Variants in ASTN2 observed in about 807,000 individuals in gnomAD.
ASTN2 encodes the protein astrotactin-2.
Under a neutral mutation model 139.8 loss-of-function variants are expected in ASTN2, and 54 were observed. The observed-to-expected ratio is 0.39, with a 90% CI of 0.31 to 0.48. The LOEUF (loss-of-function observed/expected upper bound fraction) is 0.48. Among genes scored for constraint, ASTN2 ranks in the 20% least tolerant of loss-of-function variants. ASTN2 has a pLI of 0.95. For synonymous variants in ASTN2, 756 were observed against 719.5 expected (o/e 1.05, Z -0.81); for missense variants, 1,565 against 1,725.1 (o/e 0.91, Z 1.64).
intron 7 of ASTN2, among the ~76,000 whole-genome samples, chr9:117,004,431 A>G (rs1321742512): frequency 6.6e-6 from 1 of 152,130 alleles, no homozygotes; most frequent in Non-Finnish European, 1.5e-5. Context: ...GTTGGCCTAT[A>G]TAGAGGCTAC....
chr9:116,713,622 T>C (rs893720772), intron 16 of ASTN2, among the ~76,000 whole-genome samples: 6 of 152,138 alleles, frequency 3.9e-5, no homozygotes, highest in African/African-American at 1.2e-4. Context: ...ACTTTGGGAG[T>C]GCCCACTTTG....
intron 13 of ASTN2, among the ~76,000 whole-genome samples, chr9:116,782,521 C>G (rs1354036061): frequency 6.6e-6 from 1 of 152,180 alleles, no homozygotes; most frequent in Non-Finnish European, 1.5e-5. Flanking sequence ...ATCCTTTCAC[C>G]TCCCTGGGGA....
intron 19 of ASTN2, among the ~76,000 whole-genome samples, chr9:116,554,068 G>A (rs953925274): frequency 6.6e-5 from 10 of 152,092 alleles, no homozygotes; most frequent in African/African-American, 2.4e-4. Context: ...TTATAATTTA[G>A]CACAGATTAC....
At chr9:116,828,623 A>T (rs887665142) in intron 11 of ASTN2, among the ~76,000 whole-genome samples, 2 of 152,304 alleles carry the variant, frequency 1.3e-5, no homozygotes, top group African/African-American at 2.4e-5. Flanking sequence ...GGGAAAAAAA[A>T]GCATTTCCTC....
At chr9:116,952,322 C>T (rs891583646) in intron 10 of ASTN2, among the ~76,000 whole-genome samples, 5 of 152,160 alleles carry the variant, frequency 3.3e-5, no homozygotes, top group Non-Finnish European at 7.3e-5. Flanking sequence ...GAATCCTTCT[C>T]GGCCTTATGC....
chr9:117,028,158 C>T lies in ASTN2; in HGVS notation c.1423+11661G>A, dbSNP rs187173226. ...TCAGCTGAAAGTTTGAATGTACAGA[C>T]TCACTGATAAAGTTTAAATGGAAGC... On this transcript the variant is annotated intron_variant, in intron 6 of 22. Transcript: ENST00000313400. Among the ~76,000 whole-genome samples the T allele has an allele frequency of 7.9e-5, 12 of 152,288 alleles. No homozygotes were observed. The South Asian group carries it at 1.9e-3, about 24-fold the overall frequency.
At chr9:117,331,793 C>A (rs1828719125) in intron 1 of ASTN2, among the ~76,000 whole-genome samples, 1 of 152,174 alleles carries the variant, frequency 6.6e-6, no homozygotes, top group East Asian at 1.9e-4. Context: ...AGTTAAATTT[C>A]TGAATTCCAC....
chr9:117,352,424 A>G (rs1187636620), intron 1 of ASTN2, among the ~76,000 whole-genome samples: 1 of 152,204 alleles, frequency 6.6e-6, no homozygotes, highest in Non-Finnish European at 1.5e-5. Context: ...ACAGAGGTCA[A>G]ACAAAATATT....
At chr9:117,267,534 G>T (rs1198972679) in intron 2 of ASTN2, among the ~76,000 whole-genome samples, 1 of 152,180 alleles carries the variant, frequency 6.6e-6, no homozygotes, top group Non-Finnish European at 1.5e-5. Flanking sequence ...ACTAGGGGAG[G>T]CTAGGTAAAG....
At chr9:116,495,707 G>A (rs1849647419) in intron 19 of ASTN2, among the ~76,000 whole-genome samples, 1 of 152,118 alleles carries the variant, frequency 6.6e-6, no homozygotes, top group Admixed American at 6.5e-5. Context: ...GTAGTCCAAA[G>A]TCATACTCCA....
At chr9:117,020,030 G>T (rs553493029) in intron 6 of ASTN2, among the ~76,000 whole-genome samples, 2 of 149,972 alleles carry the variant, frequency 1.3e-5, no homozygotes, top group Non-Finnish European at 3.0e-5. Flanking sequence ...GTGTGTGTGT[G>T]TGTGTGTGTG....
intron 19 of ASTN2, among the ~76,000 whole-genome samples, chr9:116,489,639 G>C (rs542831146): frequency 6.6e-6 from 1 of 152,276 alleles, no homozygotes; most frequent in Non-Finnish European, 1.5e-5. Context: ...CATTCTTAAA[G>C]AAAAACAGTT....
chr9:117,072,474 A>G (rs1828161657), intron 5 of ASTN2, among the ~76,000 whole-genome samples: 1 of 152,204 alleles, frequency 6.6e-6, no homozygotes, highest in South Asian at 2.1e-4. Flanking sequence ...CACTAGTTAG[A>G]GCTGAGAAGA....
intron 13 of ASTN2, among the ~76,000 whole-genome samples, chr9:116,779,763 A>G (rs1488710531): frequency 2.0e-5 from 3 of 152,154 alleles, no homozygotes; most frequent in Admixed American, 1.3e-4. Flanking sequence ...TCCATGGCCA[A>G]TATCAGGTCA....
chr9:117,109,002 C>T (rs1829178773), intron 4 of ASTN2, among the ~76,000 whole-genome samples: 2 of 152,010 alleles, frequency 1.3e-5, no homozygotes, highest in African/African-American at 2.4e-5. Flanking sequence ...TCTGTCCTTC[C>T]GGCTGGGCAT....
At chr9:116,777,876 G>GTTTTAC (rs1830123084) in intron 13 of ASTN2, among the ~76,000 whole-genome samples, 1 of 152,048 alleles carries the variant, frequency 6.6e-6, no homozygotes, top group African/African-American at 2.4e-5. Context: ...TTGACATGGA[G>GTTTTAC]TCTGTTGTCA....
intron 17 of ASTN2, among the ~76,000 whole-genome samples, chr9:116,628,532 A>C (rs1274808915): frequency 6.6e-6 from 1 of 152,144 alleles, no homozygotes; most frequent in Non-Finnish European, 1.5e-5. Flanking sequence ...AGGCTAACCT[A>C]TGGAGACAGT....
intron 16 of ASTN2, among the ~76,000 whole-genome samples, chr9:116,652,111 G>A (rs918786114): frequency 2.6e-5 from 4 of 151,904 alleles, no homozygotes; most frequent in East Asian, 3.9e-4. Flanking sequence ...ACCACCTGAG[G>A]TCAAGAGTTT....
In ASTN2 at chr9:117,414,079, A is replaced by AG. The variant is rs1346730212; in HGVS notation, c.442+417dup. Among the ~76,000 whole-genome samples, 1 of 152,100 alleles carries AG rather than the reference A, an allele frequency of 6.6e-6. No individual in the cohort carries two copies. The highest frequency in any genetic ancestry group is 2.4e-5 in the African/African-American group (1 of 41,428). On this transcript the variant is annotated intron_variant, in intron 1 of 22. Coordinates refer to ENST00000313400, the MANE Select transcript of ASTN2 (RefSeq NM_001365068.1). This position sits in a 1 kb window ranked among gnomAD's most constrained non-coding sequence, Gnocchi z 4.2. ...AACCCGCAACTCCGAGGCGAGAGCG[A>AG]GGGGGCGGTGACGGCGGGTGGCCAG...
Sources: allele counts gnomAD v4.1 joint callset (sites outside exome capture counted in the v4.1 genomes callset), GRCh38; gene constraint gnomAD v4.1.1; non-coding constraint Gnocchi (gnomAD v3.1); transcripts MANE v1.5; gene names NCBI Gene and HGNC (gene_info 2026-07-23, HGNC 2026-07-21).